Variants in TP53BP2 observed in about 807,000 individuals in gnomAD.
TP53BP2 encodes tumor protein p53 binding protein 2.
A neutral mutation model predicts 126.2 loss-of-function variants in TP53BP2; 62 were observed. That is an observed-to-expected ratio of 0.49 (90% CI 0.40 to 0.61). The LOEUF is 0.61. TP53BP2 is among the 20% of genes least tolerant of loss of function. The pLI is 0.00. For missense variants in TP53BP2, 1,215 were observed against 1,402.8 expected, an observed-to-expected ratio of 0.87 and a Z score of 2.14; for synonymous variants, 485 against 502.9, an observed-to-expected ratio of 0.96 and a Z score of 0.48.
intron 1 of TP53BP2, among the ~76,000 whole-genome samples, chr1:223,831,480 A>AT (rs1553263390): frequency 0.012 from 379 of 31,990 alleles, no homozygotes; most frequent in Admixed American, 0.015. Context: ...AAAAAAAAAA[A>AT]ATATATATAT....
intron 13 of TP53BP2, among the ~76,000 whole-genome samples, chr1:223,793,872 A>G (rs1011494528): frequency 6.6e-6 from 1 of 152,198 alleles, no homozygotes; most frequent in Non-Finnish European, 1.5e-5. Context: ...GCCCACAACT[A>G]CAACAGCTAA....
At position 223,803,282 on chromosome 1, in the gene TP53BP2, T is replaced by C; in HGVS notation, c.820A>G (p.Lys274Glu). Reference protein sequence around the residue: ...SAVAELDRLYKELQLRNKLNQ... With the variant: ...SAVAELDRLYEELQLRNKLNQ... ...CAGCTACGGTCTACCTGCAGCTCCT[T>C]ATAGAGGCGATCAAGCTCAGCCACT... Residue 274 changes from lysine (K) to glutamate (E), a missense_variant, in exon 7 of 18, where the codon AAG becomes GAG. Lys to Glu is a moderately conservative substitution (Grantham distance 56). This residue lies in a region of TP53BP2 where 814 missense variants were observed against 853.0 expected (regional missense o/e 0.95). Transcript: ENST00000343537. 1 of 1,611,606 alleles carries C rather than the reference T, an allele frequency of 6.2e-7. No individual in the cohort carries two copies. Among genetic ancestry groups the C allele is most frequent in the Non-Finnish European group, 8.5e-7 (1 of 1,179,318 alleles).
At chr1:223,783,452 G>A (rs1421877038) in intron 17 of TP53BP2, among the ~76,000 whole-genome samples, 3 of 151,944 alleles carry the variant, frequency 2.0e-5, no homozygotes, top group South Asian at 2.1e-4. Flanking sequence ...TCAATCTCTC[G>A]ATTACCCTGA....
intron 1 of TP53BP2, among the ~76,000 whole-genome samples, chr1:223,827,319 A>G (rs1224074202): frequency 3.3e-5 from 5 of 152,174 alleles, no homozygotes; most frequent in African/African-American, 4.8e-5. Flanking sequence ...AGAGCCACCA[A>G]AAAAAGGAAG....
intron 1 of TP53BP2, among the ~76,000 whole-genome samples, 193 bp downstream of exon 1, chr1:223,845,461 G>A (rs1480521449): frequency 6.6e-6 from 1 of 152,178 alleles, no homozygotes; most frequent in African/African-American, 2.4e-5. Flanking sequence ...CCCCACGACG[G>A]CTGTGGGCGC....
At chr1:223,816,703 C>G (rs1180457349) in intron 2 of TP53BP2, among the ~76,000 whole-genome samples, 1 of 152,076 alleles carries the variant, frequency 6.6e-6, no homozygotes, top group Admixed American at 6.6e-5. Flanking sequence ...AGGGTATGAA[C>G]TGATATAACC....
chr1:223,810,737 A>G (rs936811170), intron 3 of TP53BP2, among the ~76,000 whole-genome samples: 7 of 152,216 alleles, frequency 4.6e-5, no homozygotes, highest in African/African-American at 1.7e-4. Context: ...TAAATATCAC[A>G]TGCCACCTAT....
Position 223,780,468 on chromosome 1 carries a change from CA to C in TP53BP2, c.*384del, listed in dbSNP as rs1661732106. 1 of 173,176 alleles carries C rather than the reference CA, an allele frequency of 5.8e-6. No individual in the cohort carries two copies. The highest frequency in any genetic ancestry group is 1.6e-4 in the South Asian group (1 of 6,342). The allele number at this position is 173,176 out of a possible 1,614,324, so 10.7% of individuals were successfully genotyped here. On this transcript the variant is annotated 3_prime_UTR_variant, in exon 18 of 18. Transcript: ENST00000343537. ...ATGTGACGGCACTGGTCCTTTCTGGCAGGAGGACTGGTTTAGGAGCAGCTGC... is the reference window on the plus strand; with the variant it reads ...ATGTGACGGCACTGGTCCTTTCTGGCGGAGGACTGGTTTAGGAGCAGCTGC...
intron 15 of TP53BP2, among the ~76,000 whole-genome samples, chr1:223,790,729 C>T (rs1292036967): frequency 1.3e-5 from 2 of 151,570 alleles, no homozygotes; most frequent in South Asian, 2.1e-4. Context: ...TCAGCCTCCC[C>T]GGTAGCTGGG....
chr1:223,784,129 G>A lies in TP53BP2; in HGVS notation c.3349C>T (p.Arg1117Cys), dbSNP rs1182289176. 6.2e-6 allele frequency: 10 copies of A among 1,613,968 alleles called. No individual in the cohort carries two copies. The highest frequency in any genetic ancestry group is 2.2e-5 in the South Asian group (2 of 91,080). The change falls in exon 17 of 18, where the codon CGT (arginine) becomes TGT (cysteine). Residue 1117 changes from arginine to cysteine, a missense_variant. Physicochemically the swap from Arg to Cys is radical, Grantham distance 180 (BLOSUM62 -3). This residue lies in a region of TP53BP2 where 151 missense variants were observed against 231.2 expected (regional missense o/e 0.65). Coordinates refer to ENST00000343537, the MANE Select transcript of TP53BP2 (RefSeq NM_001031685.3). ...GAATAACTTACTCCCAGCAAGTTAC[G>A]TGGAACATATCCCTCCTTATCATTA... ...RLNDKEGYVP[R>C]NLLGLYPRIK...
intron 1 of TP53BP2, among the ~76,000 whole-genome samples, chr1:223,842,003 G>A (rs111394095): frequency 2.7e-5 from 4 of 149,508 alleles, no homozygotes; most frequent in Admixed American, 6.7e-5. Flanking sequence ...TTCAAGATTC[G>A]CGATCTCGGC....
At chr1:223,811,328 A>C (rs752064072) in intron 3 of TP53BP2, among the ~76,000 whole-genome samples, 4 of 152,158 alleles carry the variant, frequency 2.6e-5, no homozygotes, top group Non-Finnish European at 5.9e-5. Context: ...TTACCTCCCA[A>C]GAAACTTAAG....
At chr1:223,786,828 G>C (rs571878648) in intron 16 of TP53BP2, among the ~76,000 whole-genome samples, 3 of 151,854 alleles carry the variant, frequency 2.0e-5, no homozygotes, top group East Asian at 3.9e-4. Context: ...GAATGGTCTC[G>C]ATCTCCTGAC....
intron 10 of TP53BP2, 37 bp from the exon 11 acceptor site, chr1:223,800,084 TTAGAA>T: frequency 6.4e-7 from 1 of 1,563,846 alleles, no homozygotes; most frequent in Non-Finnish European, 8.6e-7. Flanking sequence ...TTCAAACTGT[TTAGAA>T]TAAAGTATCT....
intron 9 of TP53BP2, chr1:223,801,851 A>G: frequency 3.8e-6 from 1 of 260,174 alleles, no homozygotes; most frequent in Non-Finnish European, 7.3e-6. Context: ...AACTTTTTAA[A>G]ACAATTTTCA....
chr1:223,843,939 C>T (rs1664187835), intron 1 of TP53BP2, among the ~76,000 whole-genome samples: 2 of 152,140 alleles, frequency 1.3e-5, no homozygotes, highest in African/African-American at 4.8e-5. Flanking sequence ...AATTCAGAGG[C>T]GTTTATCTAC....
At chr1:223,803,643 A>G (rs1195962315) in intron 6 of TP53BP2, among the ~76,000 whole-genome samples, 191 bp from the exon 7 acceptor site, 2 of 152,238 alleles carry the variant, frequency 1.3e-5, no homozygotes, top group Non-Finnish European at 2.9e-5. Context: ...CTGTGCTTCA[A>G]TATCAATGTA....
At chr1:223,804,472 A>C in intron 5 of TP53BP2, 124 bp from the exon 6 acceptor site, 1 of 835,726 alleles carries the variant, frequency 1.2e-6, no homozygotes, top group Non-Finnish European at 1.9e-6. Context: ...GTCTGGTCTC[A>C]CCTTCTTCCT....
rs114320253 is a variant in TP53BP2 at position 223,813,403 on chromosome 1, C to T, written c.289+837G>A. Among the ~76,000 whole-genome samples the T allele has an allele frequency of 7.9e-3, 1,208 of 152,234 alleles. 18 individuals carry two copies. The highest frequency in any genetic ancestry group is 0.027 in the African/African-American group (1,134 of 41,526). ...ACCACTATTTCCTTTCAATCTCAGG[C>T]GTCTCACTCATTTCCTCTCACACCT... On this transcript the variant is annotated intron_variant, in intron 3 of 17. Transcript: ENST00000343537.
Sources: allele counts gnomAD v4.1 joint callset (sites outside exome capture counted in the v4.1 genomes callset), GRCh38; gene constraint gnomAD v4.1.1; regional missense constraint gnomAD v4.1.1; transcripts MANE v1.5; gene names NCBI Gene and HGNC (gene_info 2026-07-23, HGNC 2026-07-21).